Variants in SYNPR observed in about 807,000 individuals in gnomAD.
The protein encoded by SYNPR is synaptoporin.
In SYNPR, 23 loss-of-function variants were observed where a neutral mutation model predicts 32.9. The ratio of observed to expected loss-of-function variants is 0.70; its 90% CI spans 0.50 to 0.99. The LOEUF (loss-of-function observed/expected upper bound fraction) is 0.99. SYNPR is among the 50% of genes least tolerant of loss of function. The pLI is 0.00. For missense variants in SYNPR, 318 were observed against 349.3 expected (o/e 0.91, Z 0.71); for synonymous variants, 146 against 135.9 (o/e 1.07, Z -0.52).
intron 2 of SYNPR, among the ~76,000 whole-genome samples, chr3:63,288,291 C>T (rs921721110): frequency 3.3e-5 from 5 of 152,244 alleles, no homozygotes; most frequent in South Asian, 2.1e-4. Flanking sequence ...GCTGGAGCAG[C>T]GATCATGACG....
Position 63,556,515 on chromosome 3 carries a change from G to C in SYNPR, c.210-28G>C, listed in dbSNP as rs778776442. 7 of 1,579,448 alleles carry C rather than the reference G, an allele frequency of 4.4e-6. No individual in the cohort carries two copies. The South Asian group carries it at 6.9e-5, about 16-fold the overall frequency. ...TATTTTTGTCTCCATTGCATTTAAA[G>C]AATGTCTCCTTAAATCTGGCAATTT... On this transcript the variant is annotated intron_variant, in intron 3 of 5. Transcript: ENST00000478300.
chr3:63,546,344 G>A (rs1445721121), intron 3 of SYNPR, among the ~76,000 whole-genome samples: 1 of 152,076 alleles, frequency 6.6e-6, no homozygotes, highest in Non-Finnish European at 1.5e-5. Context: ...ACAGTTTCAT[G>A]TTGAAATGTC....
At chr3:63,276,415 C>T (rs1438843485), upstream of SYNPR, among the ~76,000 whole-genome samples, 1 of 152,126 alleles carries the variant, frequency 6.6e-6, no homozygotes, top group Non-Finnish European at 1.5e-5. Flanking sequence ...ATGCTGAGGG[C>T]TTATGAAATG....
At chr3:63,407,018 T>C (rs2088369570) in intron 2 of SYNPR, among the ~76,000 whole-genome samples, 1 of 152,196 alleles carries the variant, frequency 6.6e-6, no homozygotes, top group Admixed American at 6.5e-5. Flanking sequence ...GCGCTACTTG[T>C]CCTAGTCCCA....
At chr3:63,451,307 C>T (rs867782053) in intron 2 of SYNPR, among the ~76,000 whole-genome samples, 5 of 152,088 alleles carry the variant, frequency 3.3e-5, no homozygotes, top group African/African-American at 1.2e-4. Flanking sequence ...GGAACCATTT[C>T]CCCAGTCTAC....
intron 3 of SYNPR, among the ~76,000 whole-genome samples, chr3:63,501,569 A>C (rs1315621406): frequency 6.6e-6 from 1 of 151,968 alleles, no homozygotes; most frequent in East Asian, 1.9e-4. Flanking sequence ...GAAAGTAATC[A>C]CATGTAAACA....
At chr3:63,375,046 A>G (rs1286376234) in intron 2 of SYNPR, among the ~76,000 whole-genome samples, 3 of 152,116 alleles carry the variant, frequency 2.0e-5, no homozygotes, top group African/African-American at 7.2e-5. Flanking sequence ...CAGTTAGAAT[A>G]GCGATCATTA....
intron 2 of SYNPR, among the ~76,000 whole-genome samples, chr3:63,411,849 G>A (rs1348260207): frequency 6.6e-5 from 10 of 152,122 alleles, no homozygotes; most frequent in Admixed American, 6.6e-4. Context: ...CCTAAAATCA[G>A]TAGGAGGCTA....
At chr3:63,501,282 C>T (rs1263410440) in intron 3 of SYNPR, among the ~76,000 whole-genome samples, 2 of 151,902 alleles carry the variant, frequency 1.3e-5, no homozygotes, top group Admixed American at 6.6e-5. Flanking sequence ...AGTTGGAGAC[C>T]TGCCTGGGCA....
intron 2 of SYNPR, among the ~76,000 whole-genome samples, chr3:63,302,895 G>C (rs1395838485): frequency 6.6e-6 from 1 of 151,978 alleles, no homozygotes; most frequent in East Asian, 1.9e-4. Flanking sequence ...AAAATAGCTA[G>C]AATAGAATAA....
Position 63,431,641 on chromosome 3 carries a change from C to G in SYNPR, c.85-49191C>G, listed in dbSNP as rs562376390. Among the ~76,000 whole-genome samples, 16 of 151,790 alleles carry G rather than the reference C, an allele frequency of 1.1e-4. 1 individual carries two copies. The highest frequency in any genetic ancestry group is 3.9e-4 in the African/African-American group (16 of 41,404). On this transcript the variant is annotated intron_variant, in intron 2 of 5. Transcript: ENST00000478300. ...TCTATGTGGAGAGAACAGCATAAACCAAGGGCAGAGGCTTGAAAGCACATG... is the reference window on the plus strand; with the variant it reads ...TCTATGTGGAGAGAACAGCATAAACGAAGGGCAGAGGCTTGAAAGCACATG...
upstream of SYNPR, among the ~76,000 whole-genome samples, chr3:63,227,579 G>T (rs138286038): frequency 6.6e-6 from 1 of 152,168 alleles, no homozygotes; most frequent in African/African-American, 2.4e-5. Context: ...ATGTTATCAG[G>T]GTCTCAAGAT....
intron 2 of SYNPR, among the ~76,000 whole-genome samples, chr3:63,322,786 T>A (rs189001644): frequency 6.6e-6 from 1 of 152,042 alleles, no homozygotes; most frequent in Non-Finnish European, 1.5e-5. Flanking sequence ...TTGAGGCAAA[T>A]GTAAACATAT....
intron 2 of SYNPR, among the ~76,000 whole-genome samples, chr3:63,449,215 T>A (rs1700336001): frequency 6.6e-6 from 1 of 152,198 alleles, no homozygotes; most frequent in African/African-American, 2.4e-5. Context: ...GAAATAGATC[T>A]AACTTGTATT....
chr3:63,593,342 A>G (rs1420022217), intron 4 of SYNPR, among the ~76,000 whole-genome samples: 1 of 152,138 alleles, frequency 6.6e-6, no homozygotes, highest in African/African-American at 2.4e-5. Flanking sequence ...TGTTTTTAAC[A>G]TATGATTTAC....
chr3:63,491,949 T>C (rs572074904), intron 3 of SYNPR, among the ~76,000 whole-genome samples: 1 of 152,208 alleles, frequency 6.6e-6, no homozygotes, highest in East Asian at 1.9e-4. Context: ...ATGTATTGAC[T>C]CCTAGGCAAG....
intron 2 of SYNPR, among the ~76,000 whole-genome samples, chr3:63,431,085 C>G: frequency 6.6e-6 from 1 of 152,154 alleles, no homozygotes; most frequent in South Asian, 2.1e-4. Flanking sequence ...GCAGCAGAGC[C>G]ACCAACACTT....
At chr3:63,552,965 GT>G (rs955173140) in intron 3 of SYNPR, among the ~76,000 whole-genome samples, 1 of 151,048 alleles carries the variant, frequency 6.6e-6, no homozygotes, top group South Asian at 2.1e-4. Context: ...AAATCTGTTG[GT>G]TTTTTTTTCT....
At chr3:63,282,676 CT>C (rs1256729384) in intron 2 of SYNPR, among the ~76,000 whole-genome samples, 2 of 112,110 alleles carry the variant, frequency 1.8e-5, no homozygotes, top group Non-Finnish European at 3.6e-5. Flanking sequence ...AAGTGAGACA[CT>C]GTCTCAGAAA....
Sources: gnomAD v4.1 joint callset for allele counts (sites outside exome capture counted in the v4.1 genomes callset) on GRCh38, gnomAD v4.1.1 for gene constraint, MANE v1.5 for transcripts, NCBI Gene and HGNC (gene_info 2026-07-23, HGNC 2026-07-21) for gene names.